Variants in DOCK5 observed in about 807,000 individuals in gnomAD.
The protein encoded by DOCK5 is dedicator of cytokinesis 5, also known as dedicator of cytokinesis protein 5.
In DOCK5, 142 loss-of-function variants were observed where a neutral mutation model predicts 251.8. The ratio of observed to expected loss-of-function variants is 0.56; its 90% CI spans 0.49 to 0.65. The LOEUF (loss-of-function observed/expected upper bound fraction) is 0.65. DOCK5 is among the 30% of genes least tolerant of loss of function. The pLI is 0.00. For synonymous variants in DOCK5, 842 were observed against 835.5 expected, an observed-to-expected ratio of 1.01 and a Z score of -0.13; for missense variants, 2,111 against 2,312.3, an observed-to-expected ratio of 0.91 and a Z score of 1.79.
Position 25,412,817 on chromosome 8 carries a change from C to G in DOCK5, c.*1519C>G, listed in dbSNP as rs1379272755. The G allele has an allele frequency of 6.6e-6, 1 of 152,040 alleles. No homozygotes were observed. The highest frequency in any genetic ancestry group is 1.5e-5 in the Non-Finnish European group (1 of 68,040). The allele number at this position is 152,040 out of a possible 1,614,324, so 9.4% of individuals were successfully genotyped here. On this transcript the variant is annotated 3_prime_UTR_variant, in exon 52 of 52. Coordinates refer to ENST00000276440, the MANE Select transcript of DOCK5 (RefSeq NM_024940.8). ...CTGATTCTCTGTGTTTCCTGTTTCACCGCCACCCTTTCAGGAGAGAACTAC... is the reference window on the plus strand; with the variant it reads ...CTGATTCTCTGTGTTTCCTGTTTCAGCGCCACCCTTTCAGGAGAGAACTAC...
intron 1 of DOCK5, among the ~76,000 whole-genome samples, chr8:25,235,346 A>G (rs748627456): frequency 1.3e-5 from 2 of 151,908 alleles, no homozygotes; most frequent in Non-Finnish European, 2.9e-5. Context: ...CTGAAGCCTC[A>G]ACCTCCTGGG....
At chr8:25,236,323 C>T (rs1216741476) in intron 1 of DOCK5, among the ~76,000 whole-genome samples, 2 of 152,106 alleles carry the variant, frequency 1.3e-5, no homozygotes, top group African/African-American at 2.4e-5. Flanking sequence ...GATTTGGAAC[C>T]TACTTGTAAT....
chr8:25,187,244 TAC>T (rs140693933), intron 1 of DOCK5, among the ~76,000 whole-genome samples: 2,722 of 136,242 alleles, frequency 0.02, 51 homozygotes, highest in African/African-American at 0.053. Context: ...TATATATATA[TAC>T]ACACACACAC....
intron 45 of DOCK5, among the ~76,000 whole-genome samples, chr8:25,397,448 T>A (rs1214383686): frequency 6.6e-6 from 1 of 152,214 alleles, no homozygotes; most frequent in African/African-American, 2.4e-5. Context: ...TATGATCGTC[T>A]TCTTTCTGTC....
At chr8:25,260,354 A>ACCCCCCCCCCCC (rs200471079) in intron 2 of DOCK5, among the ~76,000 whole-genome samples, 1 of 135,106 alleles carries the variant, frequency 7.4e-6, no homozygotes, top group African/African-American at 2.8e-5. Context: ...GGTGCCGCCC[A>ACCCCCCCCCCCC]CCCCCGCCCA....
intron 11 of DOCK5, chr8:25,304,676 G>A (rs112593323): frequency 0.015 from 2,822 of 190,912 alleles, 29 homozygotes; most frequent in Non-Finnish European, 0.021. Flanking sequence ...TGGATGACAC[G>A]GAATCACGTG....
chr8:25,300,497 G>A, intron 8 of DOCK5, 79 bp from the exon 9 acceptor site: 1 of 1,275,162 alleles, frequency 7.8e-7, no homozygotes, highest in South Asian at 1.4e-5. Flanking sequence ...TCCTTCCCTT[G>A]TAAGTCTATA....
rs531306576 is a variant in DOCK5, at chr8:25,339,411, GAC to G, written c.2328-1465_2328-1464del. ...GGTGCAGGGCTTTTGCAGCATATGT[GAC>G]CAGGCTCCCACTATGATGGTGTGTG... On this transcript the variant is annotated intron_variant, in intron 22 of 51. Coordinates refer to ENST00000276440, the MANE Select transcript of DOCK5 (RefSeq NM_024940.8). Among the ~76,000 whole-genome samples the G allele has an allele frequency of 7.9e-5, 12 of 152,288 alleles. No individual in the cohort carries two copies. In the East Asian group the frequency reaches 1.9e-3, roughly 24 times the overall value.
rs565879832 is a variant in DOCK5 at position 25,392,041 on chromosome 8, C to T, written c.4440+61C>T. 108 of 1,490,592 alleles carry T rather than the reference C, an allele frequency of 7.2e-5. 1 individual carries two copies. The African/African-American group carries it at 7.6e-4, about 11-fold the overall frequency. The allele number at this position is 1,490,592 out of a possible 1,614,324, so 92.3% of individuals were successfully genotyped here. ...TTAACGGGCTGAGCACGGTGGCTCA[C>T]GCCTGTAATCCCAGCATTCTGGGAG... On this transcript the variant is annotated intron_variant, in intron 43 of 51. Coordinates refer to ENST00000276440, the MANE Select transcript of DOCK5 (RefSeq NM_024940.8).
At chr8:25,386,444 T>A (rs945404357) in intron 40 of DOCK5, among the ~76,000 whole-genome samples, 9 of 151,940 alleles carry the variant, frequency 5.9e-5, no homozygotes, top group East Asian at 1.9e-4. Context: ...AAAAATTTTT[T>A]AAAAATTAGC....
rs528343639 is a variant in DOCK5, at chr8:25,221,549, C to T, written c.44-22125C>T. 1.2e-4 allele frequency among the ~76,000 whole-genome samples: 18 copies of T among 152,258 alleles called. No individual in the cohort carries two copies. The East Asian group carries it at 1.7e-3, about 15-fold the overall frequency. ...GTCTCAATCTCTTGACCTTGTGATC[C>T]GCCTGCCTTGGCCTCCCAAAGTGCT... On this transcript the variant is annotated intron_variant, in intron 1 of 51. Coordinates refer to ENST00000276440, the MANE Select transcript of DOCK5 (RefSeq NM_024940.8).
At chr8:25,367,106 T>C (rs1800790259) in intron 31 of DOCK5, 136 bp downstream of exon 31, 2 of 728,794 alleles carry the variant, frequency 2.7e-6, no homozygotes, top group Non-Finnish European at 4.7e-6. Flanking sequence ...TTCAACTAAT[T>C]ACTTAATAGG....
rs749812231 is a variant in DOCK5 at position 25,401,113 on chromosome 8, A to C, written c.4926+47A>C. 1.9e-6 allele frequency: 3 copies of C among 1,599,074 alleles called. No individual in the cohort carries two copies. The African/African-American group carries it at 4.0e-5, about 22-fold the overall frequency. On this transcript the variant is annotated intron_variant, in intron 47 of 51. Coordinates refer to ENST00000276440, the MANE Select transcript of DOCK5 (RefSeq NM_024940.8). ...TTCACACCTTTTTCTAGGCTCTGTG[A>C]CCTTTTATGACACTGATTCGTTTTT... is the stretch of plus-strand genomic sequence containing the variant.
chr8:25,362,639 G>A (rs2465007), intron 28 of DOCK5, among the ~76,000 whole-genome samples: 47,205 of 151,210 alleles, frequency 0.31, 7,952 homozygotes, highest in Admixed American at 0.4. Flanking sequence ...GCAAATTTTT[G>A]TATTTTTAGT....
At chr8:25,262,398 A>G (rs958877961) in intron 2 of DOCK5, among the ~76,000 whole-genome samples, 1 of 152,190 alleles carries the variant, frequency 6.6e-6, no homozygotes, top group African/African-American at 2.4e-5. Context: ...CCATTCCGTC[A>G]GCCCCCAAGT....
chr8:25,292,054 C>T lies in DOCK5; in HGVS notation c.352C>T (p.Gln118Ter). ...CAAGCTCACCCTCTTCCGCCAGCTG[C>T]AGCAGATGACGTACAGCCTGATCGA... ...NNKLTLFRQL[Q>*]QMTYSLIEWR... Residue 118 changes from glutamine (Q) to a stop codon, truncating the protein, a stop_gained, in exon 6 of 52, where the codon CAG becomes TAG. Coordinates refer to ENST00000276440, the MANE Select transcript of DOCK5 (RefSeq NM_024940.8). LOFTEE classifies it high-confidence loss of function. 1 of 1,602,396 alleles carries T rather than the reference C, an allele frequency of 6.2e-7. No individual in the cohort carries two copies. The highest frequency in any genetic ancestry group is 8.5e-7 in the Non-Finnish European group (1 of 1,174,430).
At chr8:25,349,494 A>G (rs1162252963) in intron 26 of DOCK5, among the ~76,000 whole-genome samples, 1 of 152,242 alleles carries the variant, frequency 6.6e-6, no homozygotes, top group Non-Finnish European at 1.5e-5. Context: ...CACAATTTGC[A>G]ATAGCAAAGA....
At chr8:25,321,703 C>T (rs759279151) in intron 16 of DOCK5, among the ~76,000 whole-genome samples, 53 of 152,240 alleles carry the variant, frequency 3.5e-4, no homozygotes, top group Non-Finnish European at 5.3e-4. Context: ...CTTGCTCCTC[C>T]GCCGCTTACC....
chr8:25,286,754 C>G (rs1407105999), intron 5 of DOCK5, among the ~76,000 whole-genome samples: 2 of 152,022 alleles, frequency 1.3e-5, no homozygotes, highest in Non-Finnish European at 2.9e-5. Context: ...GCCTCAAACT[C>G]CCAGGCTCAA....
Sources: gnomAD v4.1 joint callset for allele counts (sites outside exome capture counted in the v4.1 genomes callset) on GRCh38, gnomAD v4.1.1 for gene constraint, MANE v1.5 for transcripts, NCBI Gene and HGNC (gene_info 2026-07-23, HGNC 2026-07-21) for gene names.